The following RAB11FIP4 variants were observed in gnomAD, a reference collection of about 807,000 sequenced individuals.
The protein encoded by RAB11FIP4 is rab11 family-interacting protein 4.
A neutral mutation model predicts 74.3 loss-of-function variants in RAB11FIP4; 23 were observed. The ratio of observed to expected loss-of-function variants is 0.31; its 90% CI spans 0.22 to 0.44. RAB11FIP4 has a LOEUF of 0.44. Ranked by LOEUF, RAB11FIP4 falls within the 20% of genes least tolerant of loss-of-function variation. RAB11FIP4 has a pLI of 1.00. For missense variants in RAB11FIP4, 630 were observed against 863.9 expected, an observed-to-expected ratio of 0.73 and a Z score of 3.39; for synonymous variants, 360 against 359.9, an observed-to-expected ratio of 1.00 and a Z score of 0.00.
chr17:31,445,594 T>A (rs1430140372), intron 3 of RAB11FIP4, among the ~76,000 whole-genome samples: 11 of 103,886 alleles, frequency 1.1e-4, no homozygotes, highest in African/African-American at 2.8e-4. Context: ...TTTTTTTTTT[T>A]TTTTTTTTTG....
Position 31,522,077 on chromosome 17 carries a change from A to G in RAB11FIP4, c.893+28A>G. On this transcript the variant is annotated intron_variant, in intron 6 of 14. Transcript: ENST00000621161. Reference sequence around the variant, plus strand: ...GAGGCCCAGGCCCAGCTGGGGGGTGAGAGGCCGGGGGGCCAGGGCAGGGCC... The same window carrying G: ...GAGGCCCAGGCCCAGCTGGGGGGTGGGAGGCCGGGGGGCCAGGGCAGGGCC... 3 of 1,613,556 alleles carry G rather than the reference A, an allele frequency of 1.9e-6. No homozygotes were observed. The South Asian group carries it at 3.3e-5, about 18-fold the overall frequency.
intron 3 of RAB11FIP4, among the ~76,000 whole-genome samples, chr17:31,437,996 A>G (rs916061305): frequency 6.6e-6 from 1 of 152,076 alleles, no homozygotes; most frequent in African/African-American, 2.4e-5. Flanking sequence ...GGGAACCCCA[A>G]CTGTTGAGCA....
At chr17:31,489,129 TGTCTCTGCACTTA>T (rs1426673403) in intron 3 of RAB11FIP4, among the ~76,000 whole-genome samples, 2 of 152,234 alleles carry the variant, frequency 1.3e-5, no homozygotes, top group Admixed American at 1.3e-4. Flanking sequence ...GTCTGGGTCC[TGTCTCTGCACTTA>T]GCCTCCACCA....
intron 3 of RAB11FIP4, among the ~76,000 whole-genome samples, chr17:31,471,636 G>A (rs1026602795): frequency 7.2e-5 from 11 of 152,138 alleles, no homozygotes; most frequent in Non-Finnish European, 1.3e-4. Context: ...AGAGGTGGCC[G>A]TGTGCCCAGC....
At chr17:31,400,730 T>TG (rs1432916234) in intron 1 of RAB11FIP4, among the ~76,000 whole-genome samples, 2 of 151,988 alleles carry the variant, frequency 1.3e-5, no homozygotes, top group Non-Finnish European at 2.9e-5. Flanking sequence ...CGTTGCTGGG[T>TG]GGGGAGGCAG....
At chr17:31,398,909 A>G (rs1597895364) in intron 1 of RAB11FIP4, among the ~76,000 whole-genome samples, 1 of 152,132 alleles carries the variant, frequency 6.6e-6, no homozygotes, top group South Asian at 2.1e-4. Flanking sequence ...TTCCTTCAGC[A>G]GGGCCTCCAC....
At chr17:31,420,619 A>G (rs544340795) in intron 1 of RAB11FIP4, among the ~76,000 whole-genome samples, 1 of 140,312 alleles carries the variant, frequency 7.1e-6, no homozygotes, top group Non-Finnish European at 1.5e-5. Flanking sequence ...TAATCTTTTC[A>G]AAAAAAAAAC....
chr17:31,396,365 C>T (rs1597893986), intron 1 of RAB11FIP4, among the ~76,000 whole-genome samples: 1 of 152,204 alleles, frequency 6.6e-6, no homozygotes, highest in African/African-American at 2.4e-5. Context: ...ATTGCATTGT[C>T]TCCCTAACCT....
At chr17:31,395,636 C>A (rs987981958) in intron 1 of RAB11FIP4, among the ~76,000 whole-genome samples, 1 of 152,130 alleles carries the variant, frequency 6.6e-6, no homozygotes, top group African/African-American at 2.4e-5. Flanking sequence ...TGATTAGGAC[C>A]TCTCAAAATT....
chr17:31,471,885 G>A (rs2071740518), intron 3 of RAB11FIP4, among the ~76,000 whole-genome samples: 1 of 152,160 alleles, frequency 6.6e-6, no homozygotes, highest in African/African-American at 2.4e-5. Flanking sequence ...TCACGGGGCC[G>A]GGCGCAGTGG....
chr17:31,450,246 C>T (rs1001567627), intron 3 of RAB11FIP4, among the ~76,000 whole-genome samples: 1 of 151,938 alleles, frequency 6.6e-6, no homozygotes, highest in South Asian at 2.1e-4. Flanking sequence ...CTTCTCAGAT[C>T]GTCCTTTTAG....
intron 3 of RAB11FIP4, among the ~76,000 whole-genome samples, chr17:31,439,331 C>A (rs914386814): frequency 3.3e-5 from 5 of 152,208 alleles, no homozygotes; most frequent in African/African-American, 9.7e-5. Context: ...ATCACCCAAG[C>A]ACTATATGAG....
chr17:31,393,236 C>T (rs1383909633), intron 1 of RAB11FIP4, among the ~76,000 whole-genome samples: 1 of 152,254 alleles, frequency 6.6e-6, no homozygotes, highest in African/African-American at 2.4e-5. Flanking sequence ...CCAGACTGCC[C>T]TCTGCGGGGC....
Position 31,393,447 on chromosome 17 carries a change from C to T in RAB11FIP4, c.159+1436C>T, listed in dbSNP as rs557462407. Among the ~76,000 whole-genome samples, 4 of 152,304 alleles carry T rather than the reference C, an allele frequency of 2.6e-5. No homozygotes were observed. The East Asian group carries it at 5.8e-4, about 22-fold the overall frequency. The stretch of plus-strand genomic sequence containing the variant: ...AGCTCTGGCTGAAACCTGGAGTCCC[C>T]GAACTCAGAGCCTCAGTAGTGGGAA... On this transcript the variant is annotated intron_variant, in intron 1 of 14. Transcript: ENST00000621161.
chr17:31,494,806 G>A (rs754082500), intron 3 of RAB11FIP4, among the ~76,000 whole-genome samples: 2 of 152,078 alleles, frequency 1.3e-5, no homozygotes, highest in African/African-American at 4.8e-5. Context: ...AACCTTGCTC[G>A]GGCTCTGCAG....
intron 14 of RAB11FIP4, 63 bp from the exon 15 acceptor site, chr17:31,531,553 C>T (rs937053544): frequency 4.5e-6 from 5 of 1,114,718 alleles, no homozygotes; most frequent in Non-Finnish European, 6.8e-6. Context: ...GCCTGGGAGT[C>T]TGGACTCTGC....
intron 3 of RAB11FIP4, among the ~76,000 whole-genome samples, chr17:31,516,747 G>A (rs1223423335): frequency 1.3e-5 from 2 of 152,230 alleles, no homozygotes; most frequent in Admixed American, 6.5e-5. Context: ...GATTACAGGC[G>A]TGAGCCACCG....
chr17:31,534,290 T>C lies in RAB11FIP4; in HGVS notation c.*2558T>C, dbSNP rs914769467. 1.3e-5 allele frequency: 2 copies of C among 152,202 alleles called. No homozygotes were observed. The highest frequency in any genetic ancestry group is 2.4e-5 in the African/African-American group (1 of 41,438). The allele number at this position is 152,202 out of a possible 1,614,324, so 9.4% of individuals were successfully genotyped here. A position where few individuals can be genotyped will look rare whatever the true frequency, so the allele number is the denominator to read the frequency against. On this transcript the variant is annotated 3_prime_UTR_variant, in exon 15 of 15. Transcript: ENST00000621161. The stretch of plus-strand genomic sequence containing the variant: ...ATGGGACAGATGTTATTTTTAGAGA[T>C]AGGATCTTGCTCTGTTGCCCAGGCT...
Position 31,496,404 on chromosome 17 carries a change from G to A in RAB11FIP4, c.337-21247G>A, listed in dbSNP as rs78773391. On this transcript the variant is annotated intron_variant, in intron 3 of 14. Transcript: ENST00000621161. ...CTGGGTATCATCTAAGGTCTGCCCC[G>A]TTCCATCTGGGTTAAGAGGGAAAAT... Among the ~76,000 whole-genome samples, 33 of 152,264 alleles carry A rather than the reference G, an allele frequency of 2.2e-4. No homozygotes were observed. In the East Asian group the frequency reaches 5.6e-3, roughly 26 times the overall value.
Sources: gnomAD v4.1 joint callset for allele counts (sites outside exome capture counted in the v4.1 genomes callset) on GRCh38, gnomAD v4.1.1 for gene constraint, MANE v1.5 for transcripts, NCBI Gene and HGNC (gene_info 2026-07-23, HGNC 2026-07-21) for gene names.